Variants in MARCHF1 observed in about 807,000 individuals in gnomAD.
MARCHF1 encodes the protein membrane associated ring-CH-type finger 1.
Under a neutral mutation model 54.2 loss-of-function variants are expected in MARCHF1, and 40 were observed. That is an observed-to-expected ratio of 0.74 (90% CI 0.57 to 0.96). The LOEUF is 0.96. MARCHF1 is among the 40% of genes least tolerant of loss of function. The pLI is 0.00. For synonymous variants in MARCHF1, 236 were observed against 236.3 expected (o/e 1.00, Z 0.01); for missense variants, 586 against 656.5 (o/e 0.89, Z 1.17).
chr4:164,142,069 C>G (rs1037093608), intron 1 of MARCHF1, among the ~76,000 whole-genome samples: 2 of 152,088 alleles, frequency 1.3e-5, no homozygotes, highest in Non-Finnish European at 2.9e-5. Flanking sequence ...CAGACGGCAC[C>G]TGGAAAATCG....
intron 1 of MARCHF1, among the ~76,000 whole-genome samples, chr4:164,265,725 A>AT (rs931978113): frequency 6.6e-6 from 1 of 151,842 alleles, no homozygotes; most frequent in Non-Finnish European, 1.5e-5. Context: ...CCACTCTGAC[A>AT]TTTTTTAGTT....
intron 2 of MARCHF1, among the ~76,000 whole-genome samples, chr4:164,055,435 C>A (rs1319773223): frequency 1.1e-5 from 1 of 89,856 alleles, no homozygotes. Flanking sequence ...GAGAGTGACA[C>A]CCTGTCTCAA....
At chr4:163,721,198 G>C (rs542323822) in intron 4 of MARCHF1, among the ~76,000 whole-genome samples, 1 of 152,144 alleles carries the variant, frequency 6.6e-6, no homozygotes, top group African/African-American at 2.4e-5. Flanking sequence ...TTTGAGATAT[G>C]TCCCATCAAT....
chr4:164,072,197 G>A lies in MARCHF1; in HGVS notation c.-248+39391C>T, dbSNP rs141934652. 5.2e-3 allele frequency among the ~76,000 whole-genome samples: 790 copies of A among 152,214 alleles called. 6 individuals are homozygous for A. Among genetic ancestry groups the A allele is most frequent in the African/African-American group, 0.018 (752 of 41,518 alleles). On this transcript the variant is annotated intron_variant, in intron 2 of 9. Transcript: ENST00000514618. The stretch of plus-strand genomic sequence containing the variant: ...ACACAGAAACTGCCGATATTACGTC[G>A]TAATTTGTTTCCTTATAACAAATAT...
intron 2 of MARCHF1, among the ~76,000 whole-genome samples, chr4:164,058,447 C>A (rs931547708): frequency 3.9e-5 from 6 of 152,178 alleles, no homozygotes; most frequent in African/African-American, 1.4e-4. Flanking sequence ...GGGATTGTGA[C>A]CAGTGAAGTC....
In MARCHF1 at chr4:163,983,913, A is replaced by G. The variant is rs114302169; in HGVS notation, c.-39+4588T>C. ...TAATCTCAGCTCTGGCCCTGAGACT[A>G]AATATGTTTTTTTAACTTTTTAATT... On this transcript the variant is annotated intron_variant, in intron 3 of 9. Coordinates refer to ENST00000514618, the MANE Select transcript of MARCHF1 (RefSeq NM_001394959.1). 9.9e-3 allele frequency among the ~76,000 whole-genome samples: 1,509 copies of G among 151,998 alleles called. 27 individuals are homozygous for G. Among genetic ancestry groups the G allele is most frequent in the African/African-American group, 0.034 (1,427 of 41,524 alleles).
intron 2 of MARCHF1, among the ~76,000 whole-genome samples, chr4:164,063,007 T>G (rs1306857528): frequency 6.6e-6 from 1 of 152,200 alleles, no homozygotes; most frequent in East Asian, 1.9e-4. Flanking sequence ...CTTTGTGGTT[T>G]TTGCTTGTTG....
chr4:163,632,271 G>A (rs997645412), intron 5 of MARCHF1, among the ~76,000 whole-genome samples: 3 of 152,202 alleles, frequency 2.0e-5, no homozygotes, highest in Non-Finnish European at 4.4e-5. Flanking sequence ...AACAGCTCCG[G>A]TCTACAGCTC....
chr4:163,939,685 G>A (rs774290893), intron 3 of MARCHF1, among the ~76,000 whole-genome samples: 11 of 152,132 alleles, frequency 7.2e-5, no homozygotes, highest in Non-Finnish European at 1.5e-4. Context: ...CAGACAAAAT[G>A]CCAACAATAT....
intron 4 of MARCHF1, among the ~76,000 whole-genome samples, chr4:163,844,024 T>C (rs1749416898): frequency 6.6e-6 from 1 of 152,158 alleles, no homozygotes; most frequent in Non-Finnish European, 1.5e-5. Context: ...TACAGTTTTG[T>C]TACATAGCTA....
intron 3 of MARCHF1, among the ~76,000 whole-genome samples, chr4:163,931,497 C>G (rs916324546): frequency 6.6e-6 from 1 of 152,088 alleles, no homozygotes; most frequent in Non-Finnish European, 1.5e-5. Flanking sequence ...CCTTCCACCA[C>G]GAGAAGTTAC....
chr4:163,871,717 T>G (rs1349069875), intron 3 of MARCHF1, among the ~76,000 whole-genome samples: 1 of 152,188 alleles, frequency 6.6e-6, no homozygotes, highest in Non-Finnish European at 1.5e-5. Flanking sequence ...TGTATTTATA[T>G]CATATGAAAA....
chr4:163,574,136 C>T (rs1579075518), intron 8 of MARCHF1, among the ~76,000 whole-genome samples: 1 of 152,172 alleles, frequency 6.6e-6, no homozygotes, highest in Middle Eastern at 3.4e-3. Context: ...TGTTCATGTC[C>T]TTCGCCCACT....
chr4:163,552,791 T>C (rs1398322192), intron 8 of MARCHF1, among the ~76,000 whole-genome samples: 6 of 151,928 alleles, frequency 3.9e-5, no homozygotes, highest in African/African-American at 9.7e-5. Flanking sequence ...CCCAGCACTT[T>C]GGGAGGCCCA....
At chr4:164,039,160 G>A (rs1754072792) in intron 2 of MARCHF1, among the ~76,000 whole-genome samples, 2 of 152,034 alleles carry the variant, frequency 1.3e-5, no homozygotes, top group South Asian at 2.1e-4. Flanking sequence ...TTAATTTGGA[G>A]AAATGAAAAA....
chr4:163,808,768 C>A (rs770506013), intron 4 of MARCHF1, among the ~76,000 whole-genome samples: 31 of 152,060 alleles, frequency 2.0e-4, no homozygotes, highest in Non-Finnish European at 3.8e-4. Flanking sequence ...AGGGTTTCAC[C>A]ACGTTGGCTA....
At chr4:164,007,324 C>T (rs1324951388) in intron 2 of MARCHF1, among the ~76,000 whole-genome samples, 3 of 120,688 alleles carry the variant, frequency 2.5e-5, no homozygotes, top group African/African-American at 6.6e-5. Context: ...CCAGCCTGGG[C>T]GACAGAGCGA....
chr4:163,871,513 G>A (rs1473493265), intron 3 of MARCHF1, among the ~76,000 whole-genome samples: 2 of 152,126 alleles, frequency 1.3e-5, no homozygotes, highest in East Asian at 3.8e-4. Flanking sequence ...GTATATACAA[G>A]TCTTTGCCTG....
At chr4:163,957,503 A>T (rs1391885668) in intron 3 of MARCHF1, among the ~76,000 whole-genome samples, 1 of 151,998 alleles carries the variant, frequency 6.6e-6, no homozygotes, top group Admixed American at 6.6e-5. Context: ...AAAGTTTTTT[A>T]AAAATGTGTT....
Sources: allele counts gnomAD v4.1 joint callset (sites outside exome capture counted in the v4.1 genomes callset), GRCh38; gene constraint gnomAD v4.1.1; transcripts MANE v1.5; gene names NCBI Gene and HGNC (gene_info 2026-07-23, HGNC 2026-07-21).